Variants in SLIT3 observed in about 807,000 individuals in gnomAD.
The protein encoded by SLIT3 is slit homolog 3 protein.
A neutral mutation model predicts 184.0 loss-of-function variants in SLIT3; 68 were observed. That is an observed-to-expected ratio of 0.37 (90% CI 0.30 to 0.45). The LOEUF (loss-of-function observed/expected upper bound fraction) is 0.45. Among genes scored for constraint, SLIT3 ranks in the 20% least tolerant of loss-of-function variants. The probability of loss-of-function intolerance (pLI) is 1.00; values close to 1 mark genes in which losing one functional copy is unlikely to be tolerated. For missense variants in SLIT3, 1,707 were observed against 2,026.0 expected, an observed-to-expected ratio of 0.84 and a Z score of 3.02; for synonymous variants, 831 against 828.6, an observed-to-expected ratio of 1.00 and a Z score of -0.05.
chr5:169,182,303 C>A (rs1328320766), intron 4 of SLIT3, among the ~76,000 whole-genome samples: 1 of 152,220 alleles, frequency 6.6e-6, no homozygotes, highest in Non-Finnish European at 1.5e-5. Flanking sequence ...TTGACTTAAA[C>A]GTCTCCATTT....
At chr5:169,119,855 C>G (rs1367043623) in intron 4 of SLIT3, 1 of 152,170 alleles carries the variant, frequency 6.6e-6, no homozygotes, top group Non-Finnish European at 1.5e-5. Flanking sequence ...ATGGAAATGG[C>G]TCTTAATTAT....
rs534079129 is a variant in SLIT3, at chr5:168,771,870, G to A, written c.1459+911C>T. 1.6e-4 allele frequency among the ~76,000 whole-genome samples: 24 copies of A among 152,246 alleles called. 1 individual carries two copies. In the South Asian group the frequency reaches 4.4e-3, roughly 28 times the overall value. On this transcript the variant is annotated intron_variant, in intron 14 of 35. Coordinates refer to ENST00000519560, the MANE Select transcript of SLIT3 (RefSeq NM_003062.4). ...GACTCGCCTGCATCAGAAGCTCCTG[G>A]GCAAGGGGAGAAGCACTGCTCTTGC... is the stretch of plus-strand genomic sequence containing the variant.
At chr5:169,237,790 ATC>A (rs1346626855) in intron 3 of SLIT3, among the ~76,000 whole-genome samples, 2 of 151,882 alleles carry the variant, frequency 1.3e-5, no homozygotes, top group East Asian at 1.9e-4. Flanking sequence ...GAGTTTTTAA[ATC>A]TCTTTGTATA....
chr5:168,686,947 T>C, intron 30 of SLIT3, 32 bp downstream of exon 30: 1 of 1,604,462 alleles, frequency 6.2e-7, no homozygotes, highest in Non-Finnish European at 8.5e-7. Context: ...TGGCCCAGGC[T>C]GTCTCCTTCC....
chr5:168,822,704 A>T (rs1757572659), intron 7 of SLIT3, among the ~76,000 whole-genome samples: 1 of 152,146 alleles, frequency 6.6e-6, no homozygotes, highest in Non-Finnish European at 1.5e-5. Flanking sequence ...AAGGTAAAGA[A>T]CCAAGTATGA....
intron 3 of SLIT3, among the ~76,000 whole-genome samples, chr5:169,195,536 G>A (rs529115595): frequency 1.3e-5 from 2 of 152,276 alleles, no homozygotes; most frequent in African/African-American, 4.8e-5. Flanking sequence ...CTCTTGTTTT[G>A]TTTTGTTTGA....
chr5:168,733,135 A>G (rs1313201796), intron 20 of SLIT3, among the ~76,000 whole-genome samples: 1 of 152,140 alleles, frequency 6.6e-6, no homozygotes, highest in East Asian at 1.9e-4. Context: ...GGCAAAGGAT[A>G]TGAATAAACA....
Position 168,683,860 on chromosome 5 carries a change from A to G in SLIT3, c.3686+106T>C, listed in dbSNP as rs947143071. 1.6e-4 allele frequency: 173 copies of G among 1,095,214 alleles called. No individual in the cohort carries two copies. The African/African-American group carries it at 2.6e-3, about 16-fold the overall frequency. The allele number at this position is 1,095,214 out of a possible 1,614,324, so 67.8% of individuals were successfully genotyped here. On this transcript the variant is annotated intron_variant, in intron 32 of 35. Transcript: ENST00000519560. ...GCACATGTGCGTGGTAGGGGCGGGG[A>G]GAAGGGACACCCGAGTTCTCCTGAA...
chr5:169,265,007 G>A (rs1278229293), intron 1 of SLIT3, among the ~76,000 whole-genome samples: 1 of 152,294 alleles, frequency 6.6e-6, no homozygotes, highest in South Asian at 2.1e-4. Context: ...GGAGAAGAAT[G>A]GGCCAAACAG....
At chr5:169,174,625 C>A (rs1162979699) in intron 4 of SLIT3, among the ~76,000 whole-genome samples, 1 of 152,128 alleles carries the variant, frequency 6.6e-6, no homozygotes, top group Admixed American at 6.5e-5. Flanking sequence ...AAAGAACCTG[C>A]CCAGCACATA....
At chr5:168,922,473 A>AT (rs905540805) in intron 4 of SLIT3, among the ~76,000 whole-genome samples, 3 of 151,654 alleles carry the variant, frequency 2.0e-5, no homozygotes, top group Non-Finnish European at 2.9e-5. Context: ...AAAAAAAAAA[A>AT]AAAGAAGTGG....
At chr5:169,289,862 T>C (rs1767282068) in intron 1 of SLIT3, among the ~76,000 whole-genome samples, 1 of 152,154 alleles carries the variant, frequency 6.6e-6, no homozygotes, top group Non-Finnish European at 1.5e-5. Context: ...CATGCAGACA[T>C]ACCTGAGTTA....
At chr5:168,779,382 C>T (rs985999088) in intron 12 of SLIT3, among the ~76,000 whole-genome samples, 4 of 152,134 alleles carry the variant, frequency 2.6e-5, no homozygotes, top group African/African-American at 9.7e-5. Flanking sequence ...GGCAGAACAA[C>T]AACAAAAAGA....
At chr5:169,086,283 A>G (rs1759293907) in intron 4 of SLIT3, among the ~76,000 whole-genome samples, 1 of 152,220 alleles carries the variant, frequency 6.6e-6, no homozygotes. Flanking sequence ...GGCAACCACT[A>G]TTGTAAGTTC....
chr5:169,173,209 C>G (rs116918163), intron 4 of SLIT3, among the ~76,000 whole-genome samples: 4,133 of 152,230 alleles, frequency 0.027, 106 homozygotes, highest in South Asian at 0.089. Flanking sequence ...TGCAGTGAGC[C>G]AAGATCGCGT....
intron 4 of SLIT3, among the ~76,000 whole-genome samples, chr5:169,151,051 A>T (rs1375505406): frequency 6.6e-6 from 1 of 152,178 alleles, no homozygotes; most frequent in African/African-American, 2.4e-5. Flanking sequence ...AAAAACTCTA[A>T]AAATACAATT....
intron 2 of SLIT3, among the ~76,000 whole-genome samples, chr5:169,250,120 G>A (rs1395282961): frequency 6.6e-6 from 1 of 152,226 alleles, no homozygotes; most frequent in Non-Finnish European, 1.5e-5. Flanking sequence ...AACTCCTTCA[G>A]TCACCTGCTA....
chr5:169,047,352 G>T (rs1757660881), intron 4 of SLIT3, among the ~76,000 whole-genome samples: 1 of 152,134 alleles, frequency 6.6e-6, no homozygotes, highest in South Asian at 2.1e-4. Context: ...AAGCTCTGCT[G>T]ATTTTACAGC....
intron 4 of SLIT3, among the ~76,000 whole-genome samples, chr5:168,886,946 A>G (rs1261713134): frequency 6.6e-6 from 1 of 152,198 alleles, no homozygotes; most frequent in African/African-American, 2.4e-5. Context: ...GAACCAATAT[A>G]TCCCCCTTCC....
Sources: gnomAD v4.1 joint callset for allele counts (sites outside exome capture counted in the v4.1 genomes callset) on GRCh38, gnomAD v4.1.1 for gene constraint, MANE v1.5 for transcripts, NCBI Gene and HGNC (gene_info 2026-07-23, HGNC 2026-07-21) for gene names.